DEPDC5: variants seen among roughly 807,000 people sequenced by gnomAD.
The protein encoded by DEPDC5 is GATOR1 complex protein DEPDC5.
Under a neutral mutation model 217.3 loss-of-function variants are expected in DEPDC5, and 73 were observed. The ratio of observed to expected loss-of-function variants is 0.34; its 90% CI spans 0.28 to 0.41. The LOEUF is 0.41. DEPDC5 is among the 10% of genes least tolerant of loss of function. DEPDC5 has a pLI of 1.00. For missense variants in DEPDC5, 1,675 were observed against 2,070.1 expected (o/e 0.81, Z 3.70); for synonymous variants, 733 against 756.7 (o/e 0.97, Z 0.51).
At chr22:31,822,951 T>A in intron 24 of DEPDC5, 161 bp downstream of exon 24, 1 of 650,036 alleles carries the variant, frequency 1.5e-6, no homozygotes, top group Non-Finnish European at 2.6e-6. Context: ...TGCATGGAAT[T>A]AAAAATGGGC....
intron 5 of DEPDC5, among the ~76,000 whole-genome samples, chr22:31,765,377 C>T (rs903303421): frequency 2.6e-5 from 4 of 152,036 alleles, no homozygotes; most frequent in African/African-American, 7.2e-5. Flanking sequence ...GCAACTGGTG[C>T]CTCCCAGGTT....
At chr22:31,825,431 T>C (rs1476394793) in intron 24 of DEPDC5, among the ~76,000 whole-genome samples, 1 of 152,214 alleles carries the variant, frequency 6.6e-6, no homozygotes, top group Non-Finnish European at 1.5e-5. Flanking sequence ...TGCTGCAACC[T>C]GAAGCTCTGG....
At chr22:31,791,664 C>T (rs990958853) in intron 10 of DEPDC5, among the ~76,000 whole-genome samples, 1 of 147,932 alleles carries the variant, frequency 6.8e-6, no homozygotes, top group South Asian at 2.1e-4. Context: ...CACAGTGGCT[C>T]ACACCTGTAA....
At chr22:31,770,581 A>G (rs2083258892) in intron 7 of DEPDC5, among the ~76,000 whole-genome samples, 1 of 143,116 alleles carries the variant, frequency 7.0e-6, no homozygotes, top group African/African-American at 2.6e-5. Flanking sequence ...TTTAGTAGAG[A>G]CGGAGTTTCA....
At chr22:31,882,800 TA>T (rs781645709) in intron 38 of DEPDC5, among the ~76,000 whole-genome samples, 5 of 152,124 alleles carry the variant, frequency 3.3e-5, no homozygotes, top group Admixed American at 6.6e-5. Flanking sequence ...CTCTTCTTTT[TA>T]AAAATAGAGA....
At chr22:31,883,619 T>C (rs2093235341) in intron 38 of DEPDC5, among the ~76,000 whole-genome samples, 1 of 152,222 alleles carries the variant, frequency 6.6e-6, no homozygotes, top group Non-Finnish European at 1.5e-5. Flanking sequence ...ATTTATGCTT[T>C]AGAGTTTAGG....
At chr22:31,804,565 G>A (rs1014017177) in intron 16 of DEPDC5, among the ~76,000 whole-genome samples, 1 of 152,100 alleles carries the variant, frequency 6.6e-6, no homozygotes, top group African/African-American at 2.4e-5. Context: ...TCAGCCTCCC[G>A]AGTAGCTATG....
Position 31,792,062 on chromosome 22 carries a change from G to A in DEPDC5, c.654G>A (p.Val218=), listed in dbSNP as rs1322052427. The change falls in exon 11 of 43, where the codon GTG becomes GTA. Residue 218 remains valine, a synonymous_variant. Transcript: ENST00000651528. ...AGAACTGTAGTCATGAAGTGACAGT[G>A]GTCCTGTTTTCTAGAACTTTCTATG... ...KEKNCSHEVT[V]VLFSRTFYDA... 6.2e-7 allele frequency: 1 copy of A among 1,612,782 alleles called. No homozygotes were observed. The highest frequency in any genetic ancestry group is 1.3e-5 in the African/African-American group (1 of 74,820).
rs760541660 is a variant in DEPDC5, at chr22:31,758,582, A to G, written c.95A>G (p.His32Arg). The change falls in exon 3 of 43, where the codon CAC becomes CGC. Residue 32 changes from histidine to arginine, a missense_variant. Transcript: ENST00000651528. Reference protein sequence around the residue: ...ELVVNPKVFPHIKLGDIVEIA... With the variant: ...ELVVNPKVFPRIKLGDIVEIA... ...GTTGTGAACCCCAAAGTGTTCCCTC[A>G]CATCAAGCTTGGAGACATTGTAGAG... The G allele has an allele frequency of 2.8e-5, 45 of 1,614,046 alleles. No homozygotes were observed. Among genetic ancestry groups the G allele is most frequent in the Non-Finnish European group, 3.8e-5 (45 of 1,180,048 alleles).
chr22:31,858,213 C>T (rs927552120), intron 32 of DEPDC5: 8 of 152,208 alleles, frequency 5.3e-5, no homozygotes, highest in African/African-American at 1.9e-4. Context: ...CCAGAGCTCG[C>T]TCTTCTTTGA....
intron 41 of DEPDC5, among the ~76,000 whole-genome samples, chr22:31,904,572 G>A (rs932609546): frequency 5.3e-5 from 8 of 152,072 alleles, no homozygotes; most frequent in South Asian, 4.2e-4. Flanking sequence ...GTGAAACCCC[G>A]TCTCTACTAA....
intron 10 of DEPDC5, among the ~76,000 whole-genome samples, chr22:31,789,538 A>T (rs1401876688): frequency 2.0e-5 from 3 of 152,296 alleles, no homozygotes; most frequent in African/African-American, 7.2e-5. Flanking sequence ...AATGTTTTGG[A>T]TCCAAATAAT....
chr22:31,794,029 A>G (rs917207), intron 12 of DEPDC5, among the ~76,000 whole-genome samples: 8,629 of 152,256 alleles, frequency 0.057, 323 homozygotes, highest in African/African-American at 0.097. Context: ...CATTTTACAG[A>G]TGTGGAAATT....
At chr22:31,767,560 G>T (rs2082926152) in intron 6 of DEPDC5, among the ~76,000 whole-genome samples, 1 of 152,098 alleles carries the variant, frequency 6.6e-6, no homozygotes, top group African/African-American at 2.4e-5. Context: ...CTCCCAAAGT[G>T]CTGGGATTAC....
intron 14 of DEPDC5, among the ~76,000 whole-genome samples, chr22:31,799,778 GCA>G (rs2086663556): frequency 6.8e-6 from 1 of 147,606 alleles, no homozygotes; most frequent in African/African-American, 2.5e-5. Flanking sequence ...GGGATTACAG[GCA>G]TGAGCCACCA....
At position 31,783,927 on chromosome 22, in the gene DEPDC5, G is replaced by A. The variant is rs577652236; in HGVS notation, c.504G>A (p.Ser168=). The A allele has an allele frequency of 2.5e-5, 40 of 1,613,432 alleles. No homozygotes were observed. Among genetic ancestry groups the A allele is most frequent in the Admixed American group, 3.3e-5 (2 of 59,928 alleles). Residue 168 remains serine, a synonymous_variant, in exon 9 of 43, where the codon TCG becomes TCA. Coordinates refer to ENST00000651528, the MANE Select transcript of DEPDC5 (RefSeq NM_001242896.3). The part of the protein sequence containing the change: ...EDTRVVFRST[S]AMVYIFIQMS... The stretch of plus-strand genomic sequence containing the variant: ...TTCAGGTGGTGTTTCGTTCTACGTC[G>A]GCTATGGTTTACATATTTATTCAGA...
chr22:31,843,046 A>C, intron 27 of DEPDC5, 49 bp from the exon 28 acceptor site: 2 of 1,389,618 alleles, frequency 1.4e-6, no homozygotes, highest in Non-Finnish European at 2.0e-6. Flanking sequence ...ATTGTCTGTT[A>C]TAGGAATGAG....
At chr22:31,798,236 G>A (rs889890420) in intron 13 of DEPDC5, among the ~76,000 whole-genome samples, 1 of 151,782 alleles carries the variant, frequency 6.6e-6, no homozygotes, top group Non-Finnish European at 1.5e-5. Context: ...ACTTATTTAA[G>A]AGTTCATCTT....
At position 31,876,144 on chromosome 22, in the gene DEPDC5, A is replaced by C. The variant is rs199645234; in HGVS notation, c.3697-13A>C. On this transcript the variant is annotated splice_polypyrimidine_tract_variant and intron_variant, in intron 36 of 42. Coordinates refer to ENST00000651528, the MANE Select transcript of DEPDC5 (RefSeq NM_001242896.3). Reference sequence around the variant, plus strand: ...TCTCTGCAGGAATTTCAGAGTTTCAATGTCTCTCCTAGAAAATGCTGGAAG... The same window carrying C: ...TCTCTGCAGGAATTTCAGAGTTTCACTGTCTCTCCTAGAAAATGCTGGAAG... 4 of 1,613,026 alleles carry C rather than the reference A, an allele frequency of 2.5e-6. No homozygotes were observed. The Admixed American group carries it at 5.0e-5, about 20-fold the overall frequency.
Sources: allele counts gnomAD v4.1 joint callset (sites outside exome capture counted in the v4.1 genomes callset), GRCh38; gene constraint gnomAD v4.1.1; transcripts MANE v1.5; gene names NCBI Gene and HGNC (gene_info 2026-07-23, HGNC 2026-07-21).